FCHSD2: variants seen among roughly 807,000 people sequenced by gnomAD.
FCHSD2 encodes the protein FCH and double SH3 domains 2.
In FCHSD2, 38 loss-of-function variants were observed where a neutral mutation model predicts 108.1. That is an observed-to-expected ratio of 0.35 (90% CI 0.27 to 0.46). The LOEUF is 0.46. Among genes scored for constraint, FCHSD2 ranks in the 20% least tolerant of loss-of-function variants. FCHSD2 has a pLI of 1.00. For missense variants in FCHSD2, 751 were observed against 897.8 expected (o/e 0.84, Z 2.09); for synonymous variants, 279 against 314.7 (o/e 0.89, Z 1.20).
intron 4 of FCHSD2, among the ~76,000 whole-genome samples, chr11:73,011,576 C>A (rs1286519884): frequency 6.6e-6 from 1 of 152,182 alleles, no homozygotes; most frequent in Non-Finnish European, 1.5e-5. Context: ...TAAAATAGTG[C>A]CTTGCTGCAG....
intron 3 of FCHSD2, among the ~76,000 whole-genome samples, chr11:73,035,964 C>T (rs1412738483): frequency 6.6e-6 from 1 of 152,064 alleles, no homozygotes; most frequent in Non-Finnish European, 1.5e-5. Context: ...TGTGATCCGC[C>T]TACCTCAGCC....
At chr11:73,130,121 G>C (rs578212525) in intron 2 of FCHSD2, among the ~76,000 whole-genome samples, 1 of 151,910 alleles carries the variant, frequency 6.6e-6, no homozygotes, top group Non-Finnish European at 1.5e-5. Flanking sequence ...TGATCCGCCC[G>C]CCTTGGCCTC....
chr11:73,102,075 T>C (rs1004892694), intron 2 of FCHSD2, among the ~76,000 whole-genome samples: 1 of 152,198 alleles, frequency 6.6e-6, no homozygotes, highest in Non-Finnish European at 1.5e-5. Flanking sequence ...AACAAATGAT[T>C]TGAATTGGCA....
chr11:73,070,687 A>T (rs1376052452), intron 3 of FCHSD2, among the ~76,000 whole-genome samples: 1 of 151,988 alleles, frequency 6.6e-6, no homozygotes, highest in Non-Finnish European at 1.5e-5. Context: ...TGGCCTCCCA[A>T]AGTGCTGGTA....
At chr11:72,863,015 T>C (rs189031415) in intron 13 of FCHSD2, among the ~76,000 whole-genome samples, 41 of 152,296 alleles carry the variant, frequency 2.7e-4, no homozygotes, top group African/African-American at 8.9e-4. Flanking sequence ...CTTGAACTTC[T>C]GGGTTCAAGA....
chr11:72,863,203 A>T (rs980644621), intron 13 of FCHSD2, among the ~76,000 whole-genome samples: 3 of 152,058 alleles, frequency 2.0e-5, no homozygotes, highest in Non-Finnish European at 4.4e-5. Context: ...TTGGGATTAC[A>T]GGCATAAGCC....
At chr11:73,057,212 C>T (rs937494968) in intron 3 of FCHSD2, among the ~76,000 whole-genome samples, 1 of 152,068 alleles carries the variant, frequency 6.6e-6, no homozygotes, top group African/African-American at 2.4e-5. Flanking sequence ...AATGAATACC[C>T]CACAATTAAA....
At chr11:73,110,150 CTT>C (rs55744506) in intron 2 of FCHSD2, among the ~76,000 whole-genome samples, 4 of 146,876 alleles carry the variant, frequency 2.7e-5, no homozygotes. Context: ...TAGTTTTCTT[CTT>C]TTTTTTTTTG....
At chr11:72,900,241 C>T (rs1855499960) in intron 10 of FCHSD2, 3 of 820,918 alleles carry the variant, frequency 3.7e-6, no homozygotes, top group Non-Finnish European at 5.6e-6. Flanking sequence ...CCGCCCTTGA[C>T]CCACACCCCA....
chr11:73,139,838 T>C (rs1861206301), intron 2 of FCHSD2, among the ~76,000 whole-genome samples, 193 bp downstream of exon 2: 1 of 152,240 alleles, frequency 6.6e-6, no homozygotes, highest in Admixed American at 6.5e-5. Flanking sequence ...GTGTGCATTA[T>C]AGGTCCCCCA....
chr11:72,921,307 T>G (rs949262638), intron 9 of FCHSD2, among the ~76,000 whole-genome samples: 1 of 152,220 alleles, frequency 6.6e-6, no homozygotes, highest in East Asian at 1.9e-4. Flanking sequence ...CTGCATACAA[T>G]GTGACATGTC....
At chr11:72,978,670 C>T (rs1237230956) in intron 8 of FCHSD2, among the ~76,000 whole-genome samples, 1 of 152,030 alleles carries the variant, frequency 6.6e-6, no homozygotes, top group Non-Finnish European at 1.5e-5. Flanking sequence ...CTCACGATAT[C>T]TGATGGTTTA....
At chr11:72,888,684 T>A (rs1855249591) in intron 11 of FCHSD2, among the ~76,000 whole-genome samples, 1 of 151,682 alleles carries the variant, frequency 6.6e-6, no homozygotes. Context: ...AGAGGCATGA[T>A]CTTACCTCAA....
rs772728306 is a variant in FCHSD2, at chr11:72,984,145, C to A, written c.648G>T (p.Ala216=). ...AGCGATCCTGATGTGCATTTGCTGC[C>A]GCTAGGGTAAGAAGATAATCATTCC... The part of the protein sequence containing the change: ...HARNDYLLTL[A]AANAHQDRYY... Residue 216 remains alanine, a synonymous_variant, in exon 8 of 20, where the codon GCG becomes GCT. Transcript: ENST00000409418. 9 of 1,613,484 alleles carry A rather than the reference C, an allele frequency of 5.6e-6. No individual in the cohort carries two copies. The highest frequency in any genetic ancestry group is 7.6e-6 in the Non-Finnish European group (9 of 1,179,510).
At chr11:73,018,992 T>A (rs1858036520) in intron 3 of FCHSD2, among the ~76,000 whole-genome samples, 1 of 152,152 alleles carries the variant, frequency 6.6e-6, no homozygotes, top group Non-Finnish European at 1.5e-5. Flanking sequence ...GAATAACAAG[T>A]ATACAACATA....
intron 3 of FCHSD2, among the ~76,000 whole-genome samples, chr11:73,030,920 C>T (rs193138368): frequency 6.6e-6 from 1 of 152,078 alleles, no homozygotes; most frequent in East Asian, 1.9e-4. Context: ...TCTATACTTG[C>T]GCGTCCTGAA....
chr11:73,129,542 G>C (rs1022756990), intron 2 of FCHSD2, among the ~76,000 whole-genome samples: 1 of 152,196 alleles, frequency 6.6e-6, no homozygotes, highest in Admixed American at 6.5e-5. Flanking sequence ...AATGCCTGAT[G>C]ATCTGTCACT....
At chr11:72,859,782 A>G (rs946107188) in intron 13 of FCHSD2, among the ~76,000 whole-genome samples, 2 of 152,234 alleles carry the variant, frequency 1.3e-5, no homozygotes, top group African/African-American at 4.8e-5. Context: ...AGAAGCACTA[A>G]AAAGGATTAG....
chr11:72,920,902 T>C (rs896379589), intron 9 of FCHSD2, among the ~76,000 whole-genome samples: 2 of 152,142 alleles, frequency 1.3e-5, no homozygotes, highest in Non-Finnish European at 2.9e-5. Context: ...TTTAACACTT[T>C]TATAAACACA....
Sources: gnomAD v4.1 joint callset for allele counts (sites outside exome capture counted in the v4.1 genomes callset) on GRCh38, gnomAD v4.1.1 for gene constraint, MANE v1.5 for transcripts, NCBI Gene and HGNC (gene_info 2026-07-23, HGNC 2026-07-21) for gene names.